TNFSF11: variants seen among roughly 807,000 people sequenced by gnomAD.
The protein encoded by TNFSF11 is TNF superfamily member 11.
Under a neutral mutation model 32.2 loss-of-function variants are expected in TNFSF11, and 12 were observed. The ratio of observed to expected loss-of-function variants is 0.37; its 90% CI spans 0.24 to 0.60. TNFSF11 has a LOEUF of 0.60. Among genes scored for constraint, TNFSF11 ranks in the 20% least tolerant of loss-of-function variants. TNFSF11 has a pLI of 0.66. For missense variants in TNFSF11, 345 were observed against 398.0 expected, an observed-to-expected ratio of 0.87 and a Z score of 1.13; for synonymous variants, 172 against 152.1, an observed-to-expected ratio of 1.13 and a Z score of -0.96.
chr13:42,586,726 C>T (rs1449935269), intron 2 of TNFSF11, among the ~76,000 whole-genome samples: 1 of 152,178 alleles, frequency 6.6e-6, no homozygotes, highest in Non-Finnish European at 1.5e-5. Flanking sequence ...GTTGTCATAT[C>T]CTCAACAAAC....
chr13:42,595,812 T>G (rs1868776329), intron 2 of TNFSF11, among the ~76,000 whole-genome samples: 1 of 152,264 alleles, frequency 6.6e-6, no homozygotes, highest in Admixed American at 6.5e-5. Context: ...GTCGGGATAT[T>G]CTTTTGTAGT....
chr13:42,603,833 G>A (rs758787632), intron 4 of TNFSF11, among the ~76,000 whole-genome samples: 1 of 152,198 alleles, frequency 6.6e-6, no homozygotes, highest in Non-Finnish European at 1.5e-5. Flanking sequence ...GTTGGTTGAT[G>A]TAATTCTTAA....
intron 2 of TNFSF11, among the ~76,000 whole-genome samples, chr13:42,568,696 G>A (rs1162360265): frequency 1.3e-5 from 2 of 152,180 alleles, no homozygotes; most frequent in African/African-American, 4.8e-5. Context: ...AGAAAAAGAA[G>A]AAGAGTGATC....
At chr13:42,565,314 T>A (rs7997276) in intron 1 of TNFSF11, among the ~76,000 whole-genome samples, 7,647 of 152,186 alleles carry the variant, frequency 0.05, 643 homozygotes, top group African/African-American at 0.17. Flanking sequence ...TTCCATGTAA[T>A]AAATAAAGCA....
intron 1 of TNFSF11, among the ~76,000 whole-genome samples, chr13:42,575,019 C>A (rs985619787): frequency 3.3e-5 from 5 of 152,208 alleles, no homozygotes; most frequent in African/African-American, 1.2e-4. Flanking sequence ...GCTGGGGCCA[C>A]GGTGCTGGAG....
chr13:42,601,057 T>G, intron 4 of TNFSF11, 76 bp downstream of exon 4: 2 of 1,538,804 alleles, frequency 1.3e-6, no homozygotes, highest in South Asian at 1.1e-5. Context: ...TGAAACCTAT[T>G]TTTAGTCTGT....
chr13:42,599,345 CTATCATCT>C (rs1441262732), intron 2 of TNFSF11, among the ~76,000 whole-genome samples: 63 of 99,046 alleles, frequency 6.4e-4, no homozygotes, highest in Middle Eastern at 4.6e-3. Context: ...ATCTATCTAT[CTATCATCT>C]ATCTATCTAT....
At chr13:42,598,660 G>A (rs1416990339) in intron 2 of TNFSF11, among the ~76,000 whole-genome samples, 1 of 152,218 alleles carries the variant, frequency 6.6e-6, no homozygotes, top group Non-Finnish European at 1.5e-5. Context: ...AGCATTTGAA[G>A]GATAAGGGGC....
rs1179041305 is a variant in TNFSF11, at chr13:42,607,608, CA to C, written c.*691del. 2 of 152,850 alleles carry C rather than the reference CA, an allele frequency of 1.3e-5. No homozygotes were observed. The highest frequency in any genetic ancestry group is 2.9e-5 in the Non-Finnish European group (2 of 68,034). The allele number at this position is 152,850 out of a possible 1,614,324, so 9.5% of individuals were successfully genotyped here. On this transcript the variant is annotated 3_prime_UTR_variant, in exon 5 of 5. Coordinates refer to ENST00000398795, the MANE Select transcript of TNFSF11 (RefSeq NM_003701.4). ...AAATGTTGTTTCCTAATATCAAATG[CA>C]GTATATTTCTTCGTTCTTTTTAAGT...
At chr13:42,567,736 T>C (rs1872918878) in intron 2 of TNFSF11, among the ~76,000 whole-genome samples, 1 of 152,238 alleles carries the variant, frequency 6.6e-6, no homozygotes, top group Admixed American at 6.5e-5. Context: ...ACTGACAGAA[T>C]AGACTGTTTA....
At chr13:42,574,053 G>C (rs1408688850), upstream of TNFSF11, 2 of 554,278 alleles carry the variant, frequency 3.6e-6, no homozygotes, top group African/African-American at 4.0e-5. Context: ...AGGGGAGCCA[G>C]AGGTGGGAGT....
intron 2 of TNFSF11, among the ~76,000 whole-genome samples, chr13:42,599,341 CTATCTATCATCT>C (rs1180166129): frequency 5.6e-4 from 52 of 92,326 alleles, no homozygotes; most frequent in East Asian, 1.2e-3. Context: ...ATCTATCTAT[CTATCTATCATCT>C]ATCTATCTAT....
At chr13:42,601,986 T>C (rs559197047) in intron 4 of TNFSF11, among the ~76,000 whole-genome samples, 1 of 152,378 alleles carries the variant, frequency 6.6e-6, no homozygotes, top group South Asian at 2.1e-4. Context: ...GTGCTTTCCA[T>C]GCTCTCTATT....
intron 2 of TNFSF11, among the ~76,000 whole-genome samples, chr13:42,591,062 A>T (rs1175307947): frequency 6.6e-6 from 1 of 152,136 alleles, no homozygotes; most frequent in African/African-American, 2.4e-5. Flanking sequence ...ACATCTTGGT[A>T]AAGTTTTTCA....
At chr13:42,563,568 A>C (rs7324282) in intron 1 of TNFSF11, among the ~76,000 whole-genome samples, 122,695 of 151,534 alleles carry the variant, frequency 0.81, 49,893 homozygotes, top group South Asian at 0.87. Flanking sequence ...GGGACTGAAG[A>C]AGAAGAATCA....
At chr13:42,606,429 T>C (rs1271740579) in intron 4 of TNFSF11, 68 bp from the exon 5 acceptor site, 1 of 1,592,356 alleles carries the variant, frequency 6.3e-7, no homozygotes, top group Non-Finnish European at 8.6e-7. Flanking sequence ...CCTAACCTCA[T>C]AGAATTGTGA....
chr13:42,577,336 C>T (rs1340605068), intron 1 of TNFSF11, among the ~76,000 whole-genome samples: 1 of 152,116 alleles, frequency 6.6e-6, no homozygotes, highest in Non-Finnish European at 1.5e-5. Context: ...AAAATTGAAT[C>T]AGCCTCCTAA....
At chr13:42,570,838 C>T (rs546117716), upstream of TNFSF11, among the ~76,000 whole-genome samples, 47 of 152,226 alleles carry the variant, frequency 3.1e-4, no homozygotes, top group Admixed American at 2.6e-3. Flanking sequence ...TAAGAGCTTT[C>T]GCTGACTCCC....
chr13:42,576,441 C>T (rs1873319388), intron 1 of TNFSF11, among the ~76,000 whole-genome samples: 1 of 152,090 alleles, frequency 6.6e-6, no homozygotes, highest in Admixed American at 6.5e-5. Flanking sequence ...GATAGTGAAA[C>T]ATTCAGAACC....
Sources: allele counts gnomAD v4.1 joint callset (sites outside exome capture counted in the v4.1 genomes callset), GRCh38; gene constraint gnomAD v4.1.1; transcripts MANE v1.5; gene names NCBI Gene and HGNC (gene_info 2026-07-23, HGNC 2026-07-21).